The following KLRG2 variants were observed in gnomAD, a reference collection of about 807,000 sequenced individuals.
KLRG2 encodes killer cell lectin-like receptor subfamily G member 2.
Under a neutral mutation model 35.4 loss-of-function variants are expected in KLRG2, and 39 were observed. The observed-to-expected ratio is 1.10, with a 90% CI of 0.85 to 1.44. The LOEUF is 1.44. KLRG2 is among the 40% of genes most tolerant of loss of function. The pLI is 0.00. For missense variants in KLRG2, 632 were observed against 570.9 expected (o/e 1.11, Z -1.09); for synonymous variants, 283 against 265.8 (o/e 1.06, Z -0.63).
intron 3 of KLRG2, among the ~76,000 whole-genome samples, chr7:139,469,263 G>A (rs1177699656): frequency 1.3e-5 from 2 of 152,178 alleles, no homozygotes; most frequent in African/African-American, 2.4e-5. Flanking sequence ...AGGTTCAAGC[G>A]AGTCTCCTGC....
intron 3 of KLRG2, among the ~76,000 whole-genome samples, chr7:139,468,372 C>A (rs1585171078): frequency 6.6e-6 from 1 of 152,174 alleles, no homozygotes; most frequent in South Asian, 2.1e-4. Flanking sequence ...CCCACCCCTT[C>A]AATTCCTGCC....
intron 3 of KLRG2, among the ~76,000 whole-genome samples, chr7:139,466,764 G>T (rs888328172): frequency 2.5e-5 from 3 of 119,216 alleles, no homozygotes; most frequent in East Asian, 3.1e-4. Flanking sequence ...TAAAAAAAGG[G>T]GGGGGTACTC....
At chr7:139,430,994 AGAGT>A in the KLRG2 span, among the ~76,000 whole-genome samples, 1 of 148,574 alleles carries the variant, frequency 6.7e-6, no homozygotes, top group Non-Finnish European at 1.5e-5. Flanking sequence ...CCTGGGTGAC[AGAGT>A]GAGACCCTGT....
At chr7:139,481,032 C>G (rs1236890898) in intron 1 of KLRG2, among the ~76,000 whole-genome samples, 1 of 152,160 alleles carries the variant, frequency 6.6e-6, no homozygotes, top group Non-Finnish European at 1.5e-5. Context: ...GCGTGAGCCA[C>G]CGTGCCCAGC....
chr7:139,464,100 C>T (rs1796612780), intron 3 of KLRG2, among the ~76,000 whole-genome samples: 1 of 152,158 alleles, frequency 6.6e-6, no homozygotes, highest in African/African-American at 2.4e-5. Context: ...TCCTGGGCTA[C>T]AGCCACATCT....
At chr7:139,451,650 T>G (rs570090136), downstream of KLRG2, among the ~76,000 whole-genome samples, 9 of 152,278 alleles carry the variant, frequency 5.9e-5, no homozygotes, top group Non-Finnish European at 1.2e-4. Flanking sequence ...ATTCCTCTAC[T>G]GCGTGCTGGG....
In KLRG2 at chr7:139,483,076, A is replaced by G; in HGVS notation, c.567T>C (p.Ala189=). Residue 189 remains alanine, a synonymous_variant, in exon 1 of 5, where the codon GCT becomes GCC. Coordinates refer to ENST00000340940, the MANE Select transcript of KLRG2 (RefSeq NM_198508.4). ...GGTWGRRSPL[A]AARTESGCDA... ...CGCAGCCGCTCTCCGTCCGGGCTGCAGCCAGCGGCGAGCGGCGGCCCCACG... is the reference window on the plus strand; with the variant it reads ...CGCAGCCGCTCTCCGTCCGGGCTGCGGCCAGCGGCGAGCGGCGGCCCCACG... 1 of 1,417,258 alleles carries G rather than the reference A, an allele frequency of 7.1e-7. No individual in the cohort carries two copies. Among genetic ancestry groups the G allele is most frequent in the Non-Finnish European group, 9.1e-7 (1 of 1,096,218 alleles). The allele number at this position is 1,417,258 out of a possible 1,614,324, so 87.8% of individuals were successfully genotyped here. A position where few individuals can be genotyped will look rare whatever the true frequency, so the allele number is the denominator to read the frequency against.
chr7:139,444,795 A>C, the KLRG2 span, among the ~76,000 whole-genome samples: 2 of 152,222 alleles, frequency 1.3e-5, no homozygotes, highest in African/African-American at 4.8e-5. Flanking sequence ...AAAACTCCCA[A>C]ACTATAAGAT....
intron 1 of KLRG2, among the ~76,000 whole-genome samples, 194 bp from the exon 2 acceptor site, chr7:139,480,441 T>TTC (rs1796936861): frequency 7.4e-6 from 1 of 135,342 alleles, no homozygotes; most frequent in Non-Finnish European, 1.6e-5. Flanking sequence ...CAGATATTCT[T>TTC]TTTTTTTTTT....
In KLRG2 at chr7:139,453,710, G is replaced by C. The variant is rs755623297; in HGVS notation, c.1110-3C>G. ...TGTCCTCGCCGTCCTCAGGGAGTCT[G>C]GGAAAGGATGGGAGGGGAAAGAGGA... On this transcript the variant is annotated splice_region_variant and splice_polypyrimidine_tract_variant and intron_variant, in intron 4 of 4. Coordinates refer to ENST00000340940, the MANE Select transcript of KLRG2 (RefSeq NM_198508.4). 4 of 1,613,956 alleles carry C rather than the reference G, an allele frequency of 2.5e-6. No homozygotes were observed. Among genetic ancestry groups the C allele is most frequent in the Non-Finnish European group, 3.4e-6 (4 of 1,179,938 alleles).
chr7:139,429,924 C>T, the KLRG2 span, among the ~76,000 whole-genome samples: 1 of 152,176 alleles, frequency 6.6e-6, no homozygotes, highest in Admixed American at 6.5e-5. Context: ...GGCAGAGGCG[C>T]CCCTCACCTC....
intron 3 of KLRG2, among the ~76,000 whole-genome samples, chr7:139,464,249 T>G (rs1273664644): frequency 6.6e-6 from 1 of 152,138 alleles, no homozygotes; most frequent in East Asian, 1.9e-4. Flanking sequence ...CATTAAAACC[T>G]AATCACCCAT....
chr7:139,483,595 C>A lies in KLRG2; in HGVS notation c.48G>T (p.Glu16Asp). ...GGCTTCCCACGGGCTCCATTGGGAG[C>A]TCTGCCCCGGCTTGGCCTCCGGGCG... ...EAAPGGQAGA[E>D]LPMEPVGSLV... The change falls in exon 1 of 5, where the codon GAG becomes GAT. Residue 16 changes from glutamate to aspartate, a missense_variant. Physicochemically the swap from Glu to Asp is conservative, Grantham distance 45. Coordinates refer to ENST00000340940, the MANE Select transcript of KLRG2 (RefSeq NM_198508.4). 6.3e-7 allele frequency: 1 copy of A among 1,591,640 alleles called. No individual in the cohort carries two copies. The highest frequency in any genetic ancestry group is 8.5e-7 in the Non-Finnish European group (1 of 1,176,566).
At chr7:139,471,130 G>A (rs913240648) in intron 3 of KLRG2, among the ~76,000 whole-genome samples, 1 of 151,866 alleles carries the variant, frequency 6.6e-6, no homozygotes, top group Admixed American at 6.6e-5. Context: ...TTACAGGTGT[G>A]AGCCACCGGG....
rs370219217 is a variant in KLRG2, at chr7:139,483,042, C to T, written c.601G>A (p.Gly201Ser). Reference sequence around the variant, plus strand: ...CTTCCTTCCGCGGGGCTGGCCCGGCCCTCTGCGTCGCAGCCGCTCTCCGTC... The same window carrying T: ...CTTCCTTCCGCGGGGCTGGCCCGGCTCTCTGCGTCGCAGCCGCTCTCCGTC... ...ARTESGCDAEGRASPAEGSAG... is the reference protein window; with the variant it reads ...ARTESGCDAESRASPAEGSAG... The change falls in exon 1 of 5, where the codon GGC (glycine) becomes AGC (serine). Residue 201 changes from glycine (G) to serine (S), a missense_variant. By Grantham distance (56) the Gly-to-Ser change is moderately conservative. Coordinates refer to ENST00000340940, the MANE Select transcript of KLRG2 (RefSeq NM_198508.4). The T allele has an allele frequency of 5.9e-4, 816 of 1,375,572 alleles. 9 individuals are homozygous for T. In the South Asian group the frequency reaches 0.013, roughly 22 times the overall value. 85.2% of individuals were successfully genotyped at this position (1,375,572 alleles called of 1,614,324 possible).
At chr7:139,438,294 T>A in the KLRG2 span, among the ~76,000 whole-genome samples, 1 of 152,190 alleles carries the variant, frequency 6.6e-6, no homozygotes, top group Non-Finnish European at 1.5e-5. Context: ...TGCAGTGGTG[T>A]GATTGTAGCT....
At position 139,475,823 on chromosome 7, in the gene KLRG2, G is replaced by A. The variant is rs138086564; in HGVS notation, c.1005+3804C>T. On this transcript the variant is annotated intron_variant, in intron 3 of 4. Transcript: ENST00000340940. The stretch of plus-strand genomic sequence containing the variant: ...CCAGAGGCCTGGACTTGCGACGGGC[G>A]TCTGAAGCTGGGCAGCCTTAGGGAC... 5.3e-3 allele frequency among the ~76,000 whole-genome samples: 805 copies of A among 152,242 alleles called. 8 individuals are homozygous for A. Among genetic ancestry groups the A allele is most frequent in the African/African-American group, 0.018 (758 of 41,542 alleles).
the KLRG2 span, among the ~76,000 whole-genome samples, chr7:139,443,532 A>G: frequency 0.39 from 59,555 of 152,058 alleles, 16,524 homozygotes; most frequent in African/African-American, 0.79. Flanking sequence ...ACAGAACTAG[A>G]TGTTTAGAGG....
chr7:139,472,050 CCTT>C (rs1796766665), intron 3 of KLRG2, among the ~76,000 whole-genome samples: 2 of 152,184 alleles, frequency 1.3e-5, no homozygotes, highest in African/African-American at 4.8e-5. Context: ...GACACCTAAT[CCTT>C]CTGCAATGCA....
Sources: gnomAD v4.1 joint callset for allele counts (sites outside exome capture counted in the v4.1 genomes callset) on GRCh38, gnomAD v4.1.1 for gene constraint, MANE v1.5 for transcripts, NCBI Gene and HGNC (gene_info 2026-07-23, HGNC 2026-07-21) for gene names.